GRM1: variants seen among roughly 807,000 people sequenced by gnomAD.
GRM1 encodes metabotropic glutamate receptor 1.
Under a neutral mutation model 90.9 loss-of-function variants are expected in GRM1, and 33 were observed. That is an observed-to-expected ratio of 0.36 (90% CI 0.28 to 0.49). The LOEUF (loss-of-function observed/expected upper bound fraction) is 0.49. Among genes scored for constraint, GRM1 ranks in the 20% least tolerant of loss-of-function variants. The pLI is 0.99. For missense variants in GRM1, 1,190 were observed against 1,534.3 expected, an observed-to-expected ratio of 0.78 and a Z score of 3.75; for synonymous variants, 700 against 613.2, an observed-to-expected ratio of 1.14 and a Z score of -2.09.
At chr6:146,344,432 A>G (rs1785098465) in intron 3 of GRM1, among the ~76,000 whole-genome samples, 1 of 152,216 alleles carries the variant, frequency 6.6e-6, no homozygotes, top group Admixed American at 6.5e-5. Context: ...ACCTGAGCAG[A>G]GTGGCTGATG....
chr6:146,226,921 G>C (rs1167593750), intron 2 of GRM1, among the ~76,000 whole-genome samples: 1 of 151,960 alleles, frequency 6.6e-6, no homozygotes, highest in African/African-American at 2.4e-5. Flanking sequence ...ACCATCGAGA[G>C]ACAAAGTTTA....
chr6:146,378,851 G>A (rs188586574), intron 5 of GRM1, among the ~76,000 whole-genome samples: 15 of 152,200 alleles, frequency 9.9e-5, no homozygotes, highest in South Asian at 4.2e-4. Context: ...TCTTTCCTGT[G>A]CTGTTCTTGT....
At chr6:146,160,871 G>T (rs1777699421) in intron 2 of GRM1, among the ~76,000 whole-genome samples, 1 of 152,188 alleles carries the variant, frequency 6.6e-6, no homozygotes, top group South Asian at 2.1e-4. Context: ...TCATGATTAA[G>T]ATAATTATTA....
chr6:146,208,614 A>G (rs17075745), intron 2 of GRM1, among the ~76,000 whole-genome samples: 2,214 of 152,124 alleles, frequency 0.015, 53 homozygotes, highest in African/African-American at 0.05. Flanking sequence ...ATTTATTGTC[A>G]TTATGCATTT....
At chr6:146,376,458 C>T (rs1776102401) in intron 5 of GRM1, among the ~76,000 whole-genome samples, 1 of 152,038 alleles carries the variant, frequency 6.6e-6, no homozygotes, top group African/African-American at 2.4e-5. Context: ...TAGGATGGGT[C>T]TGGTATTGAT....
At chr6:146,430,041 A>G (rs1332374835) in intron 7 of GRM1, among the ~76,000 whole-genome samples, 1 of 152,130 alleles carries the variant, frequency 6.6e-6, no homozygotes, top group Non-Finnish European at 1.5e-5. Flanking sequence ...TGTTATTCCC[A>G]TTTTAAACCT....
chr6:146,358,346 G>T (rs1785670568), intron 5 of GRM1, among the ~76,000 whole-genome samples: 2 of 152,122 alleles, frequency 1.3e-5, no homozygotes, highest in African/African-American at 4.8e-5. Flanking sequence ...GATGAAGAAA[G>T]CATGGAGGCA....
At chr6:146,321,801 G>T (rs992419071) in intron 3 of GRM1, among the ~76,000 whole-genome samples, 2 of 151,884 alleles carry the variant, frequency 1.3e-5, no homozygotes, top group Non-Finnish European at 2.9e-5. Context: ...CTCTTTTATT[G>T]CTTTCCATTT....
chr6:146,255,749 T>C (rs1781454949), intron 2 of GRM1, among the ~76,000 whole-genome samples: 1 of 152,172 alleles, frequency 6.6e-6, no homozygotes, highest in Non-Finnish European at 1.5e-5. Context: ...TGCTCAACTT[T>C]CCTGTTCCCA....
intron 1 of GRM1, among the ~76,000 whole-genome samples, chr6:146,048,148 C>G (rs865948347): frequency 6.6e-6 from 1 of 151,992 alleles, no homozygotes. Context: ...TCCTCCATAT[C>G]TTTGTAAGGT....
chr6:146,208,073 G>A (rs187578763), intron 2 of GRM1, among the ~76,000 whole-genome samples: 3 of 151,996 alleles, frequency 2.0e-5, no homozygotes, highest in African/African-American at 7.2e-5. Flanking sequence ...TTTTCTTAAA[G>A]GTTGCCCTGA....
intron 2 of GRM1, among the ~76,000 whole-genome samples, chr6:146,225,538 T>C (rs1780209115): frequency 6.6e-6 from 1 of 152,172 alleles, no homozygotes; most frequent in Admixed American, 6.6e-5. Flanking sequence ...TTTTGAAGTA[T>C]GTATTTAGAA....
At chr6:146,037,006 TTTAA>T (rs1790915063) in intron 1 of GRM1, among the ~76,000 whole-genome samples, 1 of 151,908 alleles carries the variant, frequency 6.6e-6, no homozygotes, top group South Asian at 2.1e-4. Context: ...AAAGAAAATG[TTTAA>T]TTACTGTTTT....
chr6:146,221,824 T>A (rs1181134140), intron 2 of GRM1, among the ~76,000 whole-genome samples: 3 of 152,192 alleles, frequency 2.0e-5, no homozygotes, highest in East Asian at 3.8e-4. Flanking sequence ...CATAAACCAT[T>A]TGTATACAAA....
chr6:146,126,237 A>G (rs916919918), intron 1 of GRM1, among the ~76,000 whole-genome samples: 1 of 152,154 alleles, frequency 6.6e-6, no homozygotes, highest in Non-Finnish European at 1.5e-5. Context: ...ATGAATGTTT[A>G]TCTTTTATTT....
intron 3 of GRM1, among the ~76,000 whole-genome samples, chr6:146,329,465 G>C (rs186469330): frequency 6.6e-6 from 1 of 152,262 alleles, no homozygotes; most frequent in Admixed American, 6.5e-5. Flanking sequence ...TGGCTTTCTT[G>C]ACTAAGGCAG....
chr6:146,358,415 G>C (rs190211702), intron 5 of GRM1, among the ~76,000 whole-genome samples: 1 of 152,196 alleles, frequency 6.6e-6, no homozygotes, highest in Non-Finnish European at 1.5e-5. Flanking sequence ...AGGAAATGGA[G>C]CATAGGGGAG....
At chr6:146,184,899 C>A (rs1778674106) in intron 2 of GRM1, among the ~76,000 whole-genome samples, 1 of 152,122 alleles carries the variant, frequency 6.6e-6, no homozygotes, top group African/African-American at 2.4e-5. Flanking sequence ...AGTTTCCACT[C>A]ACATTTCCCT....
chr6:146,061,089 G>A (rs746649710), intron 1 of GRM1, among the ~76,000 whole-genome samples: 13 of 152,144 alleles, frequency 8.5e-5, no homozygotes, highest in East Asian at 7.7e-4. Context: ...GGGGAATGCC[G>A]AGGCAGTAGA....
Sources: gnomAD v4.1 joint callset for allele counts (sites outside exome capture counted in the v4.1 genomes callset) on GRCh38, gnomAD v4.1.1 for gene constraint, MANE v1.5 for transcripts, NCBI Gene and HGNC (gene_info 2026-07-23, HGNC 2026-07-21) for gene names.